TENM2: variants seen among roughly 807,000 people sequenced by gnomAD.
TENM2 encodes the protein teneurin transmembrane protein 2, also known as teneurin-2.
In TENM2, 52 loss-of-function variants were observed where a neutral mutation model predicts 245.2. That is an observed-to-expected ratio of 0.21 (90% CI 0.17 to 0.27). The LOEUF is 0.27. Ranked by LOEUF, TENM2 falls within the 10% of genes least tolerant of loss-of-function variation. The pLI is 1.00. For missense variants in TENM2, 3,046 were observed against 3,666.8 expected (o/e 0.83, Z 4.37); for synonymous variants, 1,363 against 1,438.9 (o/e 0.95, Z 1.19).
intron 1 of TENM2, among the ~76,000 whole-genome samples, chr5:167,315,214 A>G (rs1756287599): frequency 6.6e-6 from 1 of 152,158 alleles, no homozygotes; most frequent in African/African-American, 2.4e-5. Context: ...ATCATTTTAC[A>G]CCAGTAATTT....
the TENM2 span, among the ~76,000 whole-genome samples, chr5:167,278,927 T>G: frequency 6.6e-6 from 1 of 152,212 alleles, no homozygotes; most frequent in Non-Finnish European, 1.5e-5. Context: ...CCTTTCTATT[T>G]AGAGAACTAA....
intron 3 of TENM2, among the ~76,000 whole-genome samples, chr5:167,908,311 G>A (rs1172289960): frequency 3.2e-5 from 2 of 61,574 alleles, no homozygotes; most frequent in Non-Finnish European, 6.4e-5. Flanking sequence ...CCTTCCCCTC[G>A]CTTCTCCTCT....
At chr5:167,667,688 C>G (rs192423581) in intron 2 of TENM2, among the ~76,000 whole-genome samples, 19 of 152,288 alleles carry the variant, frequency 1.2e-4, no homozygotes, top group Non-Finnish European at 2.5e-4. Context: ...GGAGAGGAGA[C>G]AGTCGTCTCA....
chr5:167,594,076 G>C (rs1251261450), intron 2 of TENM2, among the ~76,000 whole-genome samples: 1 of 152,110 alleles, frequency 6.6e-6, no homozygotes, highest in African/African-American at 2.4e-5. Flanking sequence ...TGATGGAAAT[G>C]AACATTGTAT....
the TENM2 span, among the ~76,000 whole-genome samples, chr5:167,113,608 A>G: frequency 6.6e-6 from 1 of 150,384 alleles, no homozygotes; most frequent in East Asian, 2.0e-4. Context: ...ACACCACTGT[A>G]TTTCATCCTG....
At chr5:168,189,159 T>A (rs1188672488) in intron 13 of TENM2, among the ~76,000 whole-genome samples, 1 of 152,196 alleles carries the variant, frequency 6.6e-6, no homozygotes, top group Non-Finnish European at 1.5e-5. Context: ...TCCACCTTCA[T>A]GACTTAATTA....
At chr5:167,648,048 C>T (rs964652328) in intron 2 of TENM2, among the ~76,000 whole-genome samples, 8 of 152,148 alleles carry the variant, frequency 5.3e-5, no homozygotes, top group Admixed American at 5.2e-4. Flanking sequence ...TGTGCAAATA[C>T]CTTTGTTGAA....
the TENM2 span, among the ~76,000 whole-genome samples, chr5:167,034,113 A>G: frequency 6.6e-6 from 1 of 152,204 alleles, no homozygotes; most frequent in South Asian, 2.1e-4. Context: ...TAACTCCTCA[A>G]GATAATAATG....
In TENM2 at chr5:167,670,596, AGT is replaced by A. The variant is rs771259171; in HGVS notation, c.503-205387_503-205386del. ...ATTGCAATGAACGTTACTACTCAAG[AGT>A]GTTCTTCAGACAGGATGGCACAGAC... On this transcript the variant is annotated intron_variant, in intron 2 of 28. Coordinates refer to ENST00000518659, the Ensembl canonical transcript of TENM2. Among the ~76,000 whole-genome samples, 5 of 152,208 alleles carry A rather than the reference AGT, an allele frequency of 3.3e-5. No individual in the cohort carries two copies. In the East Asian group the frequency reaches 9.7e-4, roughly 29 times the overall value.
the TENM2 span, among the ~76,000 whole-genome samples, chr5:167,228,707 ATTT>A: frequency 1.3e-5 from 2 of 148,748 alleles, no homozygotes; most frequent in African/African-American, 5.0e-5. Context: ...ACTTCTTCCA[ATTT>A]TTTTTTATTT....
intron 2 of TENM2, among the ~76,000 whole-genome samples, chr5:167,515,063 A>G (rs376187469): frequency 6.6e-6 from 1 of 152,276 alleles, no homozygotes; most frequent in African/African-American, 2.4e-5. Context: ...TATGGAAAGG[A>G]AACCTGAGCC....
chr5:167,627,409 A>G (rs1778577987), intron 2 of TENM2, among the ~76,000 whole-genome samples: 1 of 152,224 alleles, frequency 6.6e-6, no homozygotes, highest in Admixed American at 6.5e-5. Context: ...ATTAAACTGC[A>G]GAAAAAGACC....
chr5:168,084,269 T>C (rs575170730), intron 7 of TENM2, among the ~76,000 whole-genome samples: 2 of 152,368 alleles, frequency 1.3e-5, no homozygotes, highest in African/African-American at 4.8e-5. Context: ...TTTGGATATA[T>C]ATCCAGTAAC....
At chr5:167,549,524 G>A (rs927550328) in intron 2 of TENM2, among the ~76,000 whole-genome samples, 3 of 151,986 alleles carry the variant, frequency 2.0e-5, no homozygotes, top group Non-Finnish European at 4.4e-5. Context: ...TTCTGTTTTG[G>A]CCTAATATGG....
chr5:167,127,027 G>C, the TENM2 span, among the ~76,000 whole-genome samples: 1 of 148,016 alleles, frequency 6.8e-6, no homozygotes, highest in African/African-American at 2.5e-5. Context: ...TTTTTCACCT[G>C]CCTTTATACT....
intron 2 of TENM2, among the ~76,000 whole-genome samples, chr5:167,412,026 G>A (rs1477855753): frequency 6.6e-6 from 1 of 152,078 alleles, no homozygotes; most frequent in African/African-American, 2.4e-5. Context: ...TCTGGGTGCT[G>A]GATTGGTAAA....
intron 2 of TENM2, among the ~76,000 whole-genome samples, chr5:167,404,302 G>C (rs745335805): frequency 1.3e-5 from 2 of 151,870 alleles, no homozygotes; most frequent in Non-Finnish European, 2.9e-5. Flanking sequence ...ATTTCCCTGA[G>C]AAAAAAACTA....
At chr5:168,096,024 C>G (rs1417248148) in intron 8 of TENM2, among the ~76,000 whole-genome samples, 2 of 152,170 alleles carry the variant, frequency 1.3e-5, no homozygotes, top group Non-Finnish European at 2.9e-5. Context: ...ACCCGAGCCT[C>G]TTAGAATGGG....
intron 2 of TENM2, among the ~76,000 whole-genome samples, chr5:167,584,623 G>T (rs1372633288): frequency 4.6e-5 from 7 of 151,998 alleles, no homozygotes; most frequent in Non-Finnish European, 8.8e-5. Context: ...TAGGAAGTCA[G>T]CATCAATCGG....
Sources: gnomAD v4.1 joint callset for allele counts (sites outside exome capture counted in the v4.1 genomes callset) on GRCh38, gnomAD v4.1.1 for gene constraint, MANE v1.5 for transcripts, NCBI Gene and HGNC (gene_info 2026-07-23, HGNC 2026-07-21) for gene names.